The following CDH1 variants were observed in gnomAD, a reference collection of about 807,000 sequenced individuals.
CDH1 encodes the protein cadherin 1.
Under a neutral mutation model 84.5 loss-of-function variants are expected in CDH1, and 35 were observed. The ratio of observed to expected loss-of-function variants is 0.41; its 90% CI spans 0.32 to 0.55. The LOEUF is 0.55. CDH1 is among the 20% of genes least tolerant of loss of function. CDH1 has a pLI of 0.19. For synonymous variants in CDH1, 417 were observed against 439.0 expected (o/e 0.95, Z 0.63); for missense variants, 994 against 1,126.6 (o/e 0.88, Z 1.68).
At chr16:68,819,469 C>T (rs2152137107) in intron 11 of CDH1, 44 bp downstream of exon 11, 2 of 1,598,128 alleles carry the variant, frequency 1.3e-6, no homozygotes, top group Non-Finnish European at 1.7e-6. Context: ...GACCTCCTAG[C>T]TAGTTCAGTT....
intron 2 of CDH1, among the ~76,000 whole-genome samples, chr16:68,789,093 G>A (rs1308063830): frequency 6.6e-6 from 1 of 152,138 alleles, no homozygotes; most frequent in African/African-American, 2.4e-5. Context: ...GCCCGAACAT[G>A]ATTCTCTGCA....
chr16:68,829,915 TGAGCCCTG>T, intron 15 of CDH1, 118 bp downstream of exon 15: 1 of 1,068,164 alleles, frequency 9.4e-7, no homozygotes, highest in Non-Finnish European at 1.4e-6. Context: ...TCAGCTTGCC[TGAGCCCTG>T]GAGCCCTGTT....
intron 2 of CDH1, among the ~76,000 whole-genome samples, chr16:68,794,283 C>T (rs1960294678): frequency 6.6e-6 from 1 of 152,084 alleles, no homozygotes; most frequent in South Asian, 2.1e-4. Context: ...ACAAGCAGTC[C>T]TCTTGCCTCT....
chr16:68,796,200 C>T (rs1451462875), intron 2 of CDH1, among the ~76,000 whole-genome samples: 1 of 151,962 alleles, frequency 6.6e-6, no homozygotes, highest in African/African-American at 2.4e-5. Flanking sequence ...ATGCAGTATT[C>T]TTTGGTGTTC....
At chr16:68,756,647 T>A (rs1213884766) in intron 2 of CDH1, among the ~76,000 whole-genome samples, 1 of 152,216 alleles carries the variant, frequency 6.6e-6, no homozygotes, top group East Asian at 1.9e-4. Flanking sequence ...TGACTAAATT[T>A]TCTGGAGAAA....
intron 2 of CDH1, among the ~76,000 whole-genome samples, chr16:68,748,892 T>C (rs1248375124): frequency 6.6e-6 from 1 of 152,322 alleles, no homozygotes; most frequent in African/African-American, 2.4e-5. Context: ...CAGGCTGGAG[T>C]GCAATGGTGC....
intron 2 of CDH1, among the ~76,000 whole-genome samples, chr16:68,796,222 T>A (rs1280129965): frequency 6.6e-6 from 1 of 151,848 alleles, no homozygotes; most frequent in Non-Finnish European, 1.5e-5. Flanking sequence ...CTGTGGGAAA[T>A]GTGTTCTGAT....
chr16:68,753,207 A>G (rs1231458019), intron 2 of CDH1, among the ~76,000 whole-genome samples: 6 of 84,162 alleles, frequency 7.1e-5, no homozygotes, highest in African/African-American at 2.7e-4. Flanking sequence ...AGCGAGACTC[A>G]GTCTCAAAAA....
chr16:68,762,288 G>A (rs35244073), intron 2 of CDH1, among the ~76,000 whole-genome samples: 2,692 of 152,196 alleles, frequency 0.018, 26 homozygotes, highest in South Asian at 0.027. Context: ...GGCCTGTGTC[G>A]GGATACGTCC....
intron 2 of CDH1, among the ~76,000 whole-genome samples, chr16:68,774,087 A>G (rs536794179): frequency 2.0e-5 from 3 of 152,096 alleles, no homozygotes; most frequent in East Asian, 3.9e-4. Flanking sequence ...GGCTAATTTT[A>G]AATTTTTTGT....
intron 2 of CDH1, among the ~76,000 whole-genome samples, chr16:68,798,637 T>A (rs563612334): frequency 3.5e-4 from 54 of 152,324 alleles, no homozygotes; most frequent in Non-Finnish European, 6.8e-4. Context: ...GCCGCCACCC[T>A]TGGCAAGTCC....
At position 68,811,589 on chromosome 16, in the gene CDH1, C is replaced by T. The variant is rs955599818; in HGVS notation, c.833-95C>T. The T allele has an allele frequency of 2.8e-5, 31 of 1,114,234 alleles. No individual in the cohort carries two copies. In the African/African-American group the frequency reaches 4.0e-4, roughly 14 times the overall value. 69.0% of individuals were successfully genotyped at this position (1,114,234 alleles called of 1,614,324 possible). A position where few individuals can be genotyped will look rare whatever the true frequency, so the allele number is the denominator to read the frequency against. On this transcript the variant is annotated intron_variant, in intron 6 of 15. Coordinates refer to ENST00000261769, the MANE Select transcript of CDH1 (RefSeq NM_004360.5). The stretch of plus-strand genomic sequence containing the variant: ...TGACACGGTACCACCCCCATGTCCC[C>T]TCCTTTATCCCTCAGGGCAGAATTG...
rs775342358 is a variant in CDH1 at position 68,815,607 on chromosome 16, C to T, written c.1413C>T (p.Ala471=). The T allele has an allele frequency of 6.2e-7, 1 of 1,614,242 alleles. No homozygotes were observed. Among genetic ancestry groups the T allele is most frequent in the South Asian group, 1.1e-5 (1 of 91,092 alleles). Residue 471 remains alanine (A), a synonymous_variant, in exon 10 of 16, where the codon GCC becomes GCT. Coordinates refer to ENST00000261769, the MANE Select transcript of CDH1 (RefSeq NM_004360.5). ...PFEVSLTTST[A]TVTVDVLDVN... ...AGGTCTCTCTCACCACCTCCACAGC[C>T]ACCGTCACCGTGGATGTGCTGGATG...
At chr16:68,740,425 C>G (rs536383232) in intron 2 of CDH1, among the ~76,000 whole-genome samples, 3 of 151,986 alleles carry the variant, frequency 2.0e-5, no homozygotes, top group Non-Finnish European at 4.4e-5. Context: ...GTGATTCACC[C>G]GCCTTGGCCT....
chr16:68,808,880 G>T (rs1960745278), intron 5 of CDH1, 32 bp downstream of exon 5: 23 of 1,611,124 alleles, frequency 1.4e-5, no homozygotes, highest in Non-Finnish European at 2.0e-5. Context: ...GTTGACACCG[G>T]GGTAACATCC....
chr16:68,745,822 C>T (rs1368988512), intron 2 of CDH1, among the ~76,000 whole-genome samples: 1 of 151,532 alleles, frequency 6.6e-6, no homozygotes, highest in Non-Finnish European at 1.5e-5. Context: ...CATTTACTTA[C>T]TTATTTATTT....
At chr16:68,777,374 T>C (rs1294581546) in intron 2 of CDH1, among the ~76,000 whole-genome samples, 1 of 152,154 alleles carries the variant, frequency 6.6e-6, no homozygotes, top group African/African-American at 2.4e-5. Flanking sequence ...ACCTAATTCA[T>C]ACTATTATTA....
chr16:68,760,086 A>ATATATTTTTTTTTTTTTTTTTTTTTT (rs1486542814), intron 2 of CDH1, among the ~76,000 whole-genome samples: 1 of 122,122 alleles, frequency 8.2e-6, no homozygotes, highest in Non-Finnish European at 1.8e-5. Flanking sequence ...ATATATATAT[A>ATATATTTTTTTTTTTTTTTTTTTTTT]TTTTTTTTTT....
chr16:68,818,849 CAAAAAAAA>C (rs758115524), intron 10 of CDH1, among the ~76,000 whole-genome samples: 1 of 72,502 alleles, frequency 1.4e-5, no homozygotes, highest in Non-Finnish European at 2.9e-5. Context: ...GACTCCGTCT[CAAAAAAAA>C]AAAAAAAAAA....
Sources: allele counts gnomAD v4.1 joint callset (sites outside exome capture counted in the v4.1 genomes callset), GRCh38; gene constraint gnomAD v4.1.1; transcripts MANE v1.5; gene names NCBI Gene and HGNC (gene_info 2026-07-23, HGNC 2026-07-21).